Variants in MBD5 observed in about 807,000 individuals in gnomAD.
MBD5 encodes the protein methyl-CpG-binding domain protein 5.
MBD5 carries 13 observed loss-of-function variants against 117.3 expected under a neutral mutation model. That is an observed-to-expected ratio of 0.11 (90% CI 0.07 to 0.18). MBD5 has a LOEUF of 0.18. MBD5 is among the 10% of genes least tolerant of loss of function. The pLI is 1.00. For missense variants in MBD5, 1,879 were observed against 2,093.8 expected (o/e 0.90, Z 2.00); for synonymous variants, 727 against 766.4 (o/e 0.95, Z 0.85).
intron 1 of MBD5, among the ~76,000 whole-genome samples, chr2:148,039,749 A>G (rs1215923755): frequency 6.6e-6 from 1 of 152,182 alleles, no homozygotes; most frequent in Non-Finnish European, 1.5e-5. Context: ...AATAGGAGTT[A>G]TATTTTATAA....
At chr2:148,341,960 T>C (rs528204415) in intron 3 of MBD5, among the ~76,000 whole-genome samples, 2 of 152,174 alleles carry the variant, frequency 1.3e-5, no homozygotes, top group African/African-American at 4.8e-5. Flanking sequence ...CAATAATTTT[T>C]AATTTATTAA....
intron 3 of MBD5, among the ~76,000 whole-genome samples, chr2:148,328,566 G>A (rs530605169): frequency 2.0e-4 from 30 of 152,326 alleles, no homozygotes; most frequent in South Asian, 4.1e-4. Context: ...TAAGCCCATC[G>A]GAAAAGCGCA....
intron 4 of MBD5, among the ~76,000 whole-genome samples, chr2:148,373,373 A>T (rs948015489): frequency 1.3e-5 from 2 of 152,150 alleles, no homozygotes; most frequent in African/African-American, 2.4e-5. Flanking sequence ...TAACCAGATA[A>T]TGACCTAACA....
intron 1 of MBD5, chr2:148,055,418 C>CTTTTTTTTTTTTTTTTTT (rs56877252): frequency 1.4e-5 from 2 of 140,918 alleles, no homozygotes; most frequent in Non-Finnish European, 1.5e-5. Flanking sequence ...ATAGGTTTTT[C>CTTTTTTTTTTTTTTTTTT]TTTTTTTTTT....
At chr2:148,466,327 T>C (rs891660549) in intron 7 of MBD5, among the ~76,000 whole-genome samples, 1 of 152,158 alleles carries the variant, frequency 6.6e-6, no homozygotes, top group Non-Finnish European at 1.5e-5. Context: ...AGCCTGACTT[T>C]TGTTTATTTT....
At chr2:148,350,536 A>G (rs935221676) in intron 4 of MBD5, among the ~76,000 whole-genome samples, 3 of 152,050 alleles carry the variant, frequency 2.0e-5, no homozygotes, top group Non-Finnish European at 4.4e-5. Flanking sequence ...TACAGTTTTT[A>G]TAAGCCAGCT....
chr2:148,025,841 C>T (rs1050596131), intron 1 of MBD5: 4 of 152,066 alleles, frequency 2.6e-5, no homozygotes, highest in Admixed American at 2.0e-4. Context: ...AGTTCTAAGT[C>T]AGTTGTAATT....
In MBD5 at chr2:148,483,531, A is replaced by G. The variant is rs1219459784; in HGVS notation, c.2940A>G (p.Val980=). The G allele has an allele frequency of 1.2e-6, 2 of 1,603,192 alleles. No individual in the cohort carries two copies. The highest frequency in any genetic ancestry group is 2.3e-5 in the East Asian group (1 of 44,444). ...TCTCCAGTGACATGGATGGGCAGGT[A>G]TTGCAGCCTGTTCACTTTCAGCTCT... ...AFLSSDMDGQ[V]LQPVHFQLLA... Residue 980 remains valine (V), a synonymous_variant, in exon 9 of 14, where the codon GTA becomes GTG. Coordinates refer to ENST00000642680, the MANE Select transcript of MBD5 (RefSeq NM_001378120.1).
intron 1 of MBD5, among the ~76,000 whole-genome samples, chr2:148,078,343 A>G (rs926722661): frequency 2.0e-5 from 3 of 152,072 alleles, no homozygotes; most frequent in South Asian, 2.1e-4. Context: ...TATATACTAG[A>G]TGTCCTATGT....
intron 1 of MBD5, among the ~76,000 whole-genome samples, chr2:148,161,132 AC>A (rs932625394): frequency 3.9e-5 from 6 of 152,194 alleles, no homozygotes; most frequent in African/African-American, 1.4e-4. Flanking sequence ...TTTCACTGAT[AC>A]ATTTAGCTTT....
In MBD5 at chr2:148,259,447, A is replaced by C. The variant is rs118068454; in HGVS notation, c.-680+26052A>C. 4.5e-3 allele frequency among the ~76,000 whole-genome samples: 681 copies of C among 152,288 alleles called. 47 individuals carry two copies. The East Asian group carries it at 0.12, about 27-fold the overall frequency. Reference sequence around the variant, plus strand: ...AGCCCATCCAAGCAGCACAGCTGCCACCGTGTATCACAACCCATGTTGTGG... The same window carrying C: ...AGCCCATCCAAGCAGCACAGCTGCCCCCGTGTATCACAACCCATGTTGTGG... On this transcript the variant is annotated intron_variant, in intron 3 of 13. Transcript: ENST00000642680.
chr2:148,112,055 A>G (rs1696514756), intron 1 of MBD5, among the ~76,000 whole-genome samples: 1 of 152,200 alleles, frequency 6.6e-6, no homozygotes, highest in African/African-American at 2.4e-5. Flanking sequence ...AAAAGGAGCA[A>G]CAACTGTACA....
chr2:148,445,852 C>G (rs1049935347), intron 4 of MBD5, among the ~76,000 whole-genome samples: 1 of 151,348 alleles, frequency 6.6e-6, no homozygotes, highest in Non-Finnish European at 1.5e-5. Flanking sequence ...TGGTATCTCA[C>G]TGTGGTTTTG....
intron 3 of MBD5, among the ~76,000 whole-genome samples, chr2:148,318,833 AG>A (rs1702218651): frequency 6.6e-6 from 1 of 152,156 alleles, no homozygotes; most frequent in African/African-American, 2.4e-5. Context: ...CTCATGCCTC[AG>A]CCACCCTAGT....
At chr2:148,295,096 T>C (rs1701617460) in intron 3 of MBD5, among the ~76,000 whole-genome samples, 1 of 152,214 alleles carries the variant, frequency 6.6e-6, no homozygotes. Flanking sequence ...TTTCATCAAA[T>C]TTTGGAAGTT....
intron 1 of MBD5, among the ~76,000 whole-genome samples, chr2:148,053,298 C>T (rs2105775765): frequency 6.6e-6 from 1 of 152,202 alleles, no homozygotes; most frequent in Admixed American, 6.5e-5. Context: ...AGCTGTGTCT[C>T]AGTAGCACTG....
intron 4 of MBD5, among the ~76,000 whole-genome samples, chr2:148,423,993 A>T (rs1449951498): frequency 6.6e-6 from 1 of 151,894 alleles, no homozygotes; most frequent in African/African-American, 2.4e-5. Context: ...CCTGGCTAAC[A>T]CAGTGAAACC....
At chr2:148,324,323 C>T (rs1240561693) in intron 3 of MBD5, among the ~76,000 whole-genome samples, 1 of 151,930 alleles carries the variant, frequency 6.6e-6, no homozygotes, top group Non-Finnish European at 1.5e-5. Context: ...CTTGCCGGCT[C>T]TTTTGTGGTT....
chr2:148,294,196 GTTTTTTTTTTTTTTTTTTT>G (rs60942822), intron 3 of MBD5, among the ~76,000 whole-genome samples: 3 of 127,176 alleles, frequency 2.4e-5, no homozygotes, highest in African/African-American at 8.9e-5. Flanking sequence ...CCAGAATGAA[GTTTTTTTTTTTTTTTTTTT>G]TTTTTTTTTT....
Sources: gnomAD v4.1 joint callset for allele counts (sites outside exome capture counted in the v4.1 genomes callset) on GRCh38, gnomAD v4.1.1 for gene constraint, MANE v1.5 for transcripts, NCBI Gene and HGNC (gene_info 2026-07-23, HGNC 2026-07-21) for gene names.